ZHX2: variants seen among roughly 807,000 people sequenced by gnomAD.
The protein encoded by ZHX2 is zinc fingers and homeoboxes 2, also known as zinc fingers and homeoboxes protein 2.
ZHX2 carries 6 observed loss-of-function variants against 21.9 expected under a neutral mutation model. The ratio of observed to expected loss-of-function variants is 0.27; its 90% confidence interval spans 0.15 to 0.54. The LOEUF (loss-of-function observed/expected upper bound fraction) is 0.54, where lower values mean the gene tolerates loss of function less well. Ranked by LOEUF, ZHX2 falls within the 20% of genes least tolerant of loss-of-function variation. The probability of loss-of-function intolerance (pLI) is 0.95; values close to 1 mark genes in which losing one functional copy is unlikely to be tolerated. For missense variants in ZHX2, 908 were observed against 1,090.7 expected, an observed-to-expected ratio of 0.83 and a Z score of 2.36; for synonymous variants, 434 against 437.1, an observed-to-expected ratio of 0.99 and a Z score of 0.09.
intron 1 of ZHX2, among the ~76,000 whole-genome samples, chr8:122,826,280 A>G (rs551340808): frequency 6.6e-6 from 1 of 152,294 alleles, no homozygotes; most frequent in South Asian, 2.1e-4. Context: ...GTTTTTCCCA[A>G]ACTACTAGTA....
chr8:122,788,205 T>C (rs1227112766), intron 1 of ZHX2, among the ~76,000 whole-genome samples: 3 of 152,210 alleles, frequency 2.0e-5, no homozygotes, highest in Non-Finnish European at 4.4e-5. Flanking sequence ...CCCTTCACAA[T>C]GTCATTTAAT....
At chr8:122,810,580 C>T (rs1817906510) in intron 1 of ZHX2, 1 of 152,196 alleles carries the variant, frequency 6.6e-6, no homozygotes. Context: ...GTGGGTGAGT[C>T]TCTGTGGACG....
chr8:122,795,175 G>GGGTT (rs1817594431), intron 1 of ZHX2, among the ~76,000 whole-genome samples: 1 of 152,212 alleles, frequency 6.6e-6, no homozygotes, highest in African/African-American at 2.4e-5. Flanking sequence ...CTATGCTCCT[G>GGGTT]GGTTGGCACA....
intron 2 of ZHX2, among the ~76,000 whole-genome samples, chr8:122,875,271 T>G (rs1819545128): frequency 6.6e-6 from 1 of 150,678 alleles, no homozygotes; most frequent in Non-Finnish European, 1.5e-5. Flanking sequence ...TATGCCTGGC[T>G]CTGTGTGGCC....
intron 1 of ZHX2, among the ~76,000 whole-genome samples, chr8:122,844,126 C>T (rs1645135272): frequency 6.6e-6 from 1 of 152,164 alleles, no homozygotes; most frequent in South Asian, 2.1e-4. Flanking sequence ...ACAAGGAAGC[C>T]AGGAGGCGGG....
rs1586379569 is a variant in ZHX2 at position 122,908,979 on chromosome 8, C to T, written c.-219-42313C>T. Reference sequence around the variant, plus strand: ...TGTGATTTCCTCCCTTCCATCACCACCAGTTAGTTCTAACTTGTTCTATAA... The same window carrying T: ...TGTGATTTCCTCCCTTCCATCACCATCAGTTAGTTCTAACTTGTTCTATAA... On this transcript the variant is annotated intron_variant, in intron 2 of 3. Transcript: ENST00000314393. 2.6e-5 allele frequency among the ~76,000 whole-genome samples: 4 copies of T among 152,302 alleles called. No individual in the cohort carries two copies. The East Asian group carries it at 5.8e-4, about 22-fold the overall frequency.
intron 3 of ZHX2, among the ~76,000 whole-genome samples, chr8:122,958,421 A>G (rs1813360932): frequency 6.6e-6 from 1 of 152,240 alleles, no homozygotes; most frequent in African/African-American, 2.4e-5. Flanking sequence ...ATTGTCAGAC[A>G]TCAGCCTTGA....
At chr8:122,880,377 C>T (rs1332044386) in intron 2 of ZHX2, among the ~76,000 whole-genome samples, 1 of 152,114 alleles carries the variant, frequency 6.6e-6, no homozygotes, top group African/African-American at 2.4e-5. Context: ...CTGTCTGGTC[C>T]AGACCCTGTG....
chr8:122,894,703 G>A lies in ZHX2; in HGVS notation c.-220+31164G>A, dbSNP rs545621508. Among the ~76,000 whole-genome samples the A allele has an allele frequency of 1.4e-4, 21 of 152,224 alleles. 1 individual carries two copies. In the South Asian group the frequency reaches 3.5e-3, roughly 26 times the overall value. ...GGAGATATACCTAATGTTAAATGAC[G>A]AGTTAATGGTTGCAGCACACCAACA... On this transcript the variant is annotated intron_variant, in intron 2 of 3. Coordinates refer to ENST00000314393, the MANE Select transcript of ZHX2 (RefSeq NM_014943.5).
At chr8:122,956,881 C>T (rs1351558599) in intron 3 of ZHX2, among the ~76,000 whole-genome samples, 10 of 152,056 alleles carry the variant, frequency 6.6e-5, no homozygotes, top group African/African-American at 9.7e-5. Context: ...CTCTTCTCTC[C>T]CAAGCTAATA....
intron 2 of ZHX2, among the ~76,000 whole-genome samples, chr8:122,903,584 A>G (rs1017484134): frequency 6.6e-6 from 1 of 152,098 alleles, no homozygotes; most frequent in African/African-American, 2.4e-5. Flanking sequence ...AATGAAAGGG[A>G]CCTCTGGGTG....
intron 1 of ZHX2, among the ~76,000 whole-genome samples, chr8:122,856,353 C>T (rs1420956103): frequency 6.6e-6 from 1 of 152,180 alleles, no homozygotes; most frequent in Non-Finnish European, 1.5e-5. Flanking sequence ...CCTAACCAGG[C>T]ACAGCTTTCT....
At chr8:122,842,174 G>A (rs907231885) in intron 1 of ZHX2, among the ~76,000 whole-genome samples, 4 of 152,182 alleles carry the variant, frequency 2.6e-5, no homozygotes, top group Non-Finnish European at 4.4e-5. Context: ...CTTTATGTGG[G>A]ACTCGGTTTC....
chr8:122,798,746 C>T (rs2130563696), intron 1 of ZHX2, among the ~76,000 whole-genome samples: 1 of 151,506 alleles, frequency 6.6e-6, no homozygotes, highest in East Asian at 1.9e-4. Context: ...TTGCAGTGAG[C>T]TGAGATGGTG....
chr8:122,853,923 T>A (rs1322370002), intron 1 of ZHX2, among the ~76,000 whole-genome samples: 3 of 152,182 alleles, frequency 2.0e-5, no homozygotes, highest in Non-Finnish European at 4.4e-5. Context: ...ACTCTTTTTT[T>A]AACACATCAC....
rs569364162 is a variant in ZHX2 at position 122,803,690 on chromosome 8, C to T, written c.-283+21744C>T. Among the ~76,000 whole-genome samples the T allele has an allele frequency of 3.9e-5, 6 of 152,336 alleles. No homozygotes were observed. In the South Asian group the frequency reaches 1.0e-3, roughly 26 times the overall value. ...GGACTAAATCACACCCTCTGTTTTG[C>T]GTTCTTCACAGCCTTCTTCACTCTC... On this transcript the variant is annotated intron_variant, in intron 1 of 3. Transcript: ENST00000314393.
chr8:122,843,617 A>C (rs1385481189), intron 1 of ZHX2, among the ~76,000 whole-genome samples: 1 of 152,134 alleles, frequency 6.6e-6, no homozygotes, highest in African/African-American at 2.4e-5. Flanking sequence ...GAAACGGTGA[A>C]CTGCTGCCGG....
intron 2 of ZHX2, among the ~76,000 whole-genome samples, chr8:122,922,101 C>G (rs2130087404): frequency 6.6e-6 from 1 of 152,196 alleles, no homozygotes; most frequent in South Asian, 2.1e-4. Context: ...TAAAATGACT[C>G]AGGCAGCTCC....
chr8:122,970,425 C>T (rs1813691132), intron 3 of ZHX2, among the ~76,000 whole-genome samples: 1 of 152,198 alleles, frequency 6.6e-6, no homozygotes, highest in Non-Finnish European at 1.5e-5. Flanking sequence ...GCTTGCTTTG[C>T]ACCCTGTCTG....
Sources: allele counts gnomAD v4.1 joint callset (sites outside exome capture counted in the v4.1 genomes callset), GRCh38; gene constraint gnomAD v4.1.1; transcripts MANE v1.5; gene names NCBI Gene and HGNC (gene_info 2026-07-23, HGNC 2026-07-21).